Variants in MYH15 observed in about 807,000 individuals in gnomAD.
MYH15 encodes the protein myosin-15.
A neutral mutation model predicts 240.5 loss-of-function variants in MYH15; 227 were observed. The observed-to-expected ratio is 0.94, with a 90% CI of 0.85 to 1.05. The LOEUF (loss-of-function observed/expected upper bound fraction) is 1.05, where lower values mean the gene tolerates loss of function less well. Ranked by LOEUF, MYH15 falls within the 50% of genes least tolerant of loss-of-function variation. The probability of loss-of-function intolerance (pLI) is 0.00; values close to 1 mark genes in which losing one functional copy is unlikely to be tolerated. For synonymous variants in MYH15, 785 were observed against 796.7 expected (o/e 0.99, Z 0.25); for missense variants, 2,217 against 2,247.5 (o/e 0.99, Z 0.27).
chr3:108,395,864 G>A (rs988265943), intron 35 of MYH15, among the ~76,000 whole-genome samples: 5 of 152,034 alleles, frequency 3.3e-5, no homozygotes, highest in Non-Finnish European at 7.4e-5. Context: ...GCAAGGTGCC[G>A]CAGCATGGTT....
intron 25 of MYH15, among the ~76,000 whole-genome samples, chr3:108,437,232 T>A (rs1440126623): frequency 6.6e-6 from 1 of 150,568 alleles, no homozygotes; most frequent in Non-Finnish European, 1.5e-5. Context: ...TCGTCATGAG[T>A]AAAAAGAAGA....
Position 108,495,785 on chromosome 3 carries a change from G to A in MYH15, c.706C>T (p.Arg236Cys), listed in dbSNP as rs374667460. 28 of 1,607,364 alleles carry A rather than the reference G, an allele frequency of 1.7e-5. No individual in the cohort carries two copies. Among genetic ancestry groups the A allele is most frequent in the Middle Eastern group, 1.7e-4 (1 of 6,060 alleles). Reference sequence around the variant, plus strand: ...TGCTAAATCATGTTACTTACAAAACGAGAGGAGTTGTCATTTCTCAGGGTT... The same window carrying A: ...TGCTAAATCATGTTACTTACAAAACAAGAGGAGTTGTCATTTCTCAGGGTT... ...AKTLRNDNSS[R>C]FGKFIRMHFG... Residue 236 changes from arginine to cysteine, a missense_variant, in exon 7 of 41, where the codon CGT (arginine) becomes TGT (cysteine). By Grantham distance (180) the Arg-to-Cys change is radical. Transcript: ENST00000693548.
upstream of MYH15, among the ~76,000 whole-genome samples, chr3:108,514,636 G>C (rs530245432): frequency 2.1e-4 from 32 of 152,006 alleles, no homozygotes; most frequent in Admixed American, 5.2e-4. Flanking sequence ...ACTTTGGGGT[G>C]GGGGGGTGGA....
At chr3:108,489,174 A>C (rs1349194854) in intron 9 of MYH15, among the ~76,000 whole-genome samples, 43 of 152,132 alleles carry the variant, frequency 2.8e-4, no homozygotes. Flanking sequence ...TATAAGATGT[A>C]CAGTTTGCAA....
chr3:108,437,567 C>T lies in MYH15; in HGVS notation c.3208G>A (p.Glu1070Lys). Reference protein sequence around the residue: ...NLESSQRHLAEELRKKELELS... With the variant: ...NLESSQRHLAKELRKKELELS... ...AAGGTGGCTTACTTCCTCAGCTCTT[C>T]TGCCAGGTGTCGCTGGCTGCTTTCC... The change falls in exon 25 of 41, where the codon GAA becomes AAA. Residue 1070 changes from glutamate (E) to lysine (K), a missense_variant. Glu to Lys is a moderately conservative substitution (Grantham distance 56). Transcript: ENST00000693548. 1 of 1,613,350 alleles carries T rather than the reference C, an allele frequency of 6.2e-7. No individual in the cohort carries two copies.
At chr3:108,513,305 G>A (rs548500456), upstream of MYH15, among the ~76,000 whole-genome samples, 11 of 152,160 alleles carry the variant, frequency 7.2e-5, no homozygotes, top group South Asian at 1.9e-3. Context: ...CATGTTTATC[G>A]GAGAATTCTG....
intron 3 of MYH15, 142 bp from the exon 4 acceptor site, chr3:108,500,416 G>A: frequency 1.2e-6 from 1 of 863,882 alleles, no homozygotes; most frequent in Admixed American, 2.9e-5. Context: ...ATGTAGAGAA[G>A]GGACTTCTAA....
chr3:108,417,007 A>G, intron 28 of MYH15, 77 bp from the exon 29 acceptor site: 1 of 1,145,564 alleles, frequency 8.7e-7, no homozygotes, highest in Non-Finnish European at 1.3e-6. Context: ...TACTGACTTT[A>G]AGGGTAGCCA....
chr3:108,536,313 A>G, the MYH15 span, among the ~76,000 whole-genome samples: 3 of 152,260 alleles, frequency 2.0e-5, no homozygotes, highest in Non-Finnish European at 4.4e-5. Context: ...TTAAGACAGA[A>G]AGGAGGAGGA....
rs1442580627 is a variant in MYH15 at position 108,498,070 on chromosome 3, A to G, written c.600T>C (p.Ile200=). The G allele has an allele frequency of 3.1e-6, 5 of 1,613,940 alleles. No homozygotes were observed. Among genetic ancestry groups the G allele is most frequent in the Non-Finnish European group, 4.2e-6 (5 of 1,179,948 alleles). The change falls in exon 6 of 41, where the codon ATT becomes ATC. Residue 200 remains isoleucine (I), a synonymous_variant. Coordinates refer to ENST00000693548, the MANE Select transcript of MYH15 (RefSeq NM_014981.3). ...CACTTACCTGCTTTTTCCTGGATTCAATCATGGCTGCTATGGTGGCAAAAT... is the reference window on the plus strand; with the variant it reads ...CACTTACCTGCTTTTTCCTGGATTCGATCATGGCTGCTATGGTGGCAAAAT... ...IQYFATIAAM[I]ESRKKQGALE...
intron 18 of MYH15, among the ~76,000 whole-genome samples, chr3:108,457,748 A>C (rs1188186403): frequency 6.6e-6 from 1 of 152,250 alleles, no homozygotes. Context: ...AAGAAGGCAC[A>C]AGTAGGCTGG....
intron 37 of MYH15, 65 bp downstream of exon 37, chr3:108,391,695 C>T: frequency 2.0e-6 from 3 of 1,515,456 alleles, no homozygotes; most frequent in South Asian, 1.3e-5. Context: ...TCTAGTGTCA[C>T]ATTCCAGGAC....
At chr3:108,399,813 G>C (rs2082490444) in intron 33 of MYH15, among the ~76,000 whole-genome samples, 1 of 152,150 alleles carries the variant, frequency 6.6e-6, no homozygotes, top group Non-Finnish European at 1.5e-5. Flanking sequence ...GAGTTTGAGA[G>C]TACACCCAAG....
rs1285225201 is a variant in MYH15 at position 108,383,637 on chromosome 3, T to C, written c.5724A>G (p.Gln1908=). The C allele has an allele frequency of 1.2e-6, 2 of 1,613,436 alleles. No homozygotes were observed. Among genetic ancestry groups the C allele is most frequent in the African/African-American group, 1.3e-5 (1 of 74,968 alleles). The change falls in exon 40 of 41, where the codon CAA becomes CAG. Residue 1908 remains glutamine, a synonymous_variant. Transcript: ENST00000693548. ...VKERAEVAES[Q]VNKLKIKARE... is the part of the protein sequence containing the mutation. ...TTGCTTTAATTTTGAGTTTATTGAC[T>C]TGAGATTCTGCCACCTCTGCCCTTT...
rs770761864 is a variant in MYH15 at position 108,405,343 on chromosome 3, A to G, written c.4731T>C (p.Asn1577=). 29 of 1,488,132 alleles carry G rather than the reference A, an allele frequency of 1.9e-5. No individual in the cohort carries two copies. The highest frequency in any genetic ancestry group is 2.6e-5 in the Non-Finnish European group (29 of 1,098,766). The allele number at this position is 1,488,132 out of a possible 1,614,324, so 92.2% of individuals were successfully genotyped here. A position where few individuals can be genotyped will look rare whatever the true frequency, so the allele number is the denominator to read the frequency against. ...ATCAAAATCATCTTAAATACCTAAA[A>G]TTTTCTATTTCTTCATCTTTCTCTG... is the stretch of plus-strand genomic sequence containing the variant. The part of the protein sequence containing the change: ...KLSEKDEEIE[N]FRRKQQCTID... The change falls in exon 33 of 41, where the codon AAT becomes AAC. Residue 1577 remains asparagine (N), a synonymous_variant. Transcript: ENST00000693548.
the MYH15 span, among the ~76,000 whole-genome samples, chr3:108,535,060 G>A: frequency 6.6e-6 from 1 of 152,138 alleles, no homozygotes; most frequent in Non-Finnish European, 1.5e-5. Context: ...CAAAATAGGT[G>A]TGGAAGACAA....
chr3:108,520,991 G>A (rs2083613976), intron 1 of MYH15, among the ~76,000 whole-genome samples: 2 of 152,060 alleles, frequency 1.3e-5, no homozygotes, highest in Non-Finnish European at 2.9e-5. Flanking sequence ...GGAAACAAAG[G>A]CAGAGGTGAT....
intron 36 of MYH15, 121 bp downstream of exon 36, chr3:108,393,910 T>G (rs2082439225): frequency 1.4e-6 from 2 of 1,436,342 alleles, no homozygotes; most frequent in Non-Finnish European, 1.9e-6. Context: ...CAGACTAACC[T>G]CCCCCTGGCT....
chr3:108,486,542 G>A lies in MYH15; in HGVS notation c.872-16C>T, dbSNP rs928722153. The A allele has an allele frequency of 5.3e-5, 82 of 1,557,192 alleles. No individual in the cohort carries two copies. The highest frequency in any genetic ancestry group is 7.0e-5 in the Non-Finnish European group (79 of 1,132,464). On this transcript the variant is annotated splice_polypyrimidine_tract_variant and intron_variant, in intron 9 of 40. Transcript: ENST00000693548. ...AGGAGCAGGTCTAGAGTGGGAAAAC[G>A]ATTCGTTAAACAGCTTAAAGAAATC...
Sources: gnomAD v4.1 joint callset for allele counts (sites outside exome capture counted in the v4.1 genomes callset) on GRCh38, gnomAD v4.1.1 for gene constraint, MANE v1.5 for transcripts, NCBI Gene and HGNC (gene_info 2026-07-23, HGNC 2026-07-21) for gene names.